PANK1: variants seen among roughly 807,000 people sequenced by gnomAD.
The protein encoded by PANK1 is pantothenate kinase 1.
In PANK1, 18 loss-of-function variants were observed where a neutral mutation model predicts 40.1. The ratio of observed to expected loss-of-function variants is 0.45; its 90% CI spans 0.31 to 0.67. The LOEUF (loss-of-function observed/expected upper bound fraction) is 0.67, where lower values mean the gene tolerates loss of function less well. Among genes scored for constraint, PANK1 ranks in the 30% least tolerant of loss-of-function variants. The probability of loss-of-function intolerance (pLI) is 0.06; values close to 1 mark genes in which losing one functional copy is unlikely to be tolerated. For synonymous variants in PANK1, 242 were observed against 237.7 expected (o/e 1.02, Z -0.17); for missense variants, 457 against 599.6 (o/e 0.76, Z 2.48).
intron 2 of PANK1, among the ~76,000 whole-genome samples, chr10:89,608,025 C>T (rs1447597910): frequency 6.9e-6 from 1 of 145,196 alleles, no homozygotes; most frequent in Non-Finnish European, 1.5e-5. Context: ...GACAATGATC[C>T]TAAACTTTTT....
At chr10:89,632,758 A>C (rs993849741) in intron 1 of PANK1, among the ~76,000 whole-genome samples, 1 of 152,212 alleles carries the variant, frequency 6.6e-6, no homozygotes, top group African/African-American at 2.4e-5. Flanking sequence ...ACTAAGCCCA[A>C]CTACATTTAC....
intron 3 of PANK1, among the ~76,000 whole-genome samples, chr10:89,595,793 G>T: frequency 7.8e-6 from 1 of 128,940 alleles, no homozygotes; most frequent in Non-Finnish European, 1.6e-5. Context: ...CTCCAGCCTG[G>T]GTGACAGAGC....
At chr10:89,618,117 C>T (rs774577449) in intron 1 of PANK1, among the ~76,000 whole-genome samples, 2 of 152,118 alleles carry the variant, frequency 1.3e-5, no homozygotes, top group Non-Finnish European at 2.9e-5. Context: ...GAAGGCTCTT[C>T]CAGGGAGAAG....
chr10:89,644,751 G>A lies in PANK1; in HGVS notation c.141C>T (p.Ser47=). ...CGTCGCTGCCGCCCACTGGACCCCG[G>A]CTGCAGACGTGCGGCGGCTGGACTG... ...PPPVQPPHVC[S]RGPVGGSDAA... is the part of the protein sequence containing the mutation. The change falls in exon 1 of 7, where the codon AGC becomes AGT. Residue 47 remains serine (S), a synonymous_variant. Transcript: ENST00000307534. The A allele has an allele frequency of 6.6e-7, 1 of 1,518,182 alleles. No individual in the cohort carries two copies. Among genetic ancestry groups the A allele is most frequent in the East Asian group, 2.6e-5 (1 of 38,274 alleles). 94.0% of individuals were successfully genotyped at this position (1,518,182 alleles called of 1,614,324 possible). A position where few individuals can be genotyped will look rare whatever the true frequency, so the allele number is the denominator to read the frequency against.
chr10:89,604,692 CA>C (rs34373242), intron 2 of PANK1, among the ~76,000 whole-genome samples: 265 of 79,974 alleles, frequency 3.3e-3, no homozygotes, highest in African/African-American at 8.2e-3. Flanking sequence ...AACTCCGTCT[CA>C]AAAAAAAAAA....
intron 5 of PANK1, among the ~76,000 whole-genome samples, chr10:89,589,292 G>T (rs12412483): frequency 0.037 from 5,557 of 152,218 alleles, 372 homozygotes; most frequent in East Asian, 0.27. Flanking sequence ...ATATGTGGTG[G>T]AATATCCTGT....
chr10:89,620,546 C>A (rs1247562676), intron 1 of PANK1, among the ~76,000 whole-genome samples: 2 of 152,204 alleles, frequency 1.3e-5, no homozygotes, highest in East Asian at 1.9e-4. Flanking sequence ...TGCTCTCGAA[C>A]CCTATTTCCT....
chr10:89,636,922 C>T (rs1001815396), intron 1 of PANK1, among the ~76,000 whole-genome samples: 31 of 148,514 alleles, frequency 2.1e-4, no homozygotes, highest in African/African-American at 6.0e-4. Context: ...AGTGCAGTGG[C>T]GCGATCTCGA....
downstream of PANK1, chr10:89,581,071 G>T (rs1328350194): frequency 6.6e-6 from 1 of 150,918 alleles, no homozygotes; most frequent in Admixed American, 6.6e-5. Flanking sequence ...GCTCTGTGAT[G>T]GTGGATCTTT....
intron 1 of PANK1, among the ~76,000 whole-genome samples, chr10:89,621,478 C>T (rs1432443679): frequency 1.3e-5 from 2 of 152,030 alleles, no homozygotes; most frequent in South Asian, 2.1e-4. Flanking sequence ...GTGGAAGGAA[C>T]GTTAGGTTGA....
At chr10:89,588,882 A>C in intron 5 of PANK1, 105 bp from the exon 6 acceptor site, 1 of 707,476 alleles carries the variant, frequency 1.4e-6, no homozygotes, top group Non-Finnish European at 2.1e-6. Context: ...AAGAGTGAAT[A>C]TTCCTTGTTT....
chr10:89,608,919 ACT>A (rs1326528762), intron 2 of PANK1, among the ~76,000 whole-genome samples: 2 of 151,844 alleles, frequency 1.3e-5, no homozygotes, highest in Non-Finnish European at 1.5e-5. Flanking sequence ...TGCCTAACAC[ACT>A]CTTTCTTTGC....
At chr10:89,592,712 C>T in intron 5 of PANK1, 1 of 533,990 alleles carries the variant, frequency 1.9e-6, no homozygotes, top group Non-Finnish European at 3.8e-6. Flanking sequence ...CTTTTTGTGC[C>T]TGGGACTCTG....
At chr10:89,641,889 CAT>C (rs1268792769) in intron 1 of PANK1, among the ~76,000 whole-genome samples, 1 of 152,112 alleles carries the variant, frequency 6.6e-6, no homozygotes, top group Non-Finnish European at 1.5e-5. Context: ...TCTGAAGTGT[CAT>C]AGAATTCTGA....
chr10:89,617,650 C>T (rs944016843), intron 1 of PANK1, among the ~76,000 whole-genome samples: 1 of 152,158 alleles, frequency 6.6e-6, no homozygotes, highest in African/African-American at 2.4e-5. Flanking sequence ...GACACTGTGG[C>T]TTCTTGGTTA....
chr10:89,607,142 T>C (rs976137462), intron 2 of PANK1, among the ~76,000 whole-genome samples: 7 of 152,244 alleles, frequency 4.6e-5, no homozygotes, highest in East Asian at 1.9e-4. Context: ...CTAAGCGTAA[T>C]GATTTCTAGC....
chr10:89,644,585 C>G lies in PANK1; in HGVS notation c.292+15G>C, dbSNP rs200918734. 4,244 of 1,582,320 alleles carry G rather than the reference C, an allele frequency of 2.7e-3. 8 individuals carry two copies. Among genetic ancestry groups the G allele is most frequent in the Non-Finnish European group, 3.4e-3 (3,951 of 1,169,526 alleles). On this transcript the variant is annotated intron_variant, in intron 1 of 6. Transcript: ENST00000307534. ...GTCTGCCTTGCGCCCGCGCTCCCCT[C>G]CCAGCGGGACTTACGCGGCCTGTTC...
chr10:89,626,011 GA>G (rs1396616816), intron 1 of PANK1, among the ~76,000 whole-genome samples: 2 of 152,204 alleles, frequency 1.3e-5, no homozygotes, highest in Non-Finnish European at 2.9e-5. Context: ...AAATCAGAGA[GA>G]AAGATGAGCG....
chr10:89,640,369 C>G (rs1841935665), intron 1 of PANK1, among the ~76,000 whole-genome samples: 1 of 148,100 alleles, frequency 6.8e-6, no homozygotes, highest in Non-Finnish European at 1.5e-5. Context: ...CTACTACTCT[C>G]AAATGTACTC....
Sources: gnomAD v4.1 joint callset for allele counts (sites outside exome capture counted in the v4.1 genomes callset) on GRCh38, gnomAD v4.1.1 for gene constraint, MANE v1.5 for transcripts, NCBI Gene and HGNC (gene_info 2026-07-23, HGNC 2026-07-21) for gene names.